The following ASIC2 variants were observed in gnomAD, a reference collection of about 807,000 sequenced individuals.
ASIC2 encodes acid-sensing ion channel 2.
In ASIC2, 25 loss-of-function variants were observed where a neutral mutation model predicts 57.3. The observed-to-expected ratio is 0.44, with a 90% CI of 0.32 to 0.61. The LOEUF (loss-of-function observed/expected upper bound fraction) is 0.61, where lower values mean the gene tolerates loss of function less well. Ranked by LOEUF, ASIC2 falls within the 20% of genes least tolerant of loss-of-function variation. The pLI is 0.06. For missense variants in ASIC2, 641 were observed against 738.1 expected, an observed-to-expected ratio of 0.87 and a Z score of 1.52; for synonymous variants, 319 against 307.5, an observed-to-expected ratio of 1.04 and a Z score of -0.39.
chr17:33,700,708 G>A (rs1908671236), intron 1 of ASIC2, among the ~76,000 whole-genome samples: 1 of 152,198 alleles, frequency 6.6e-6, no homozygotes, highest in Admixed American at 6.5e-5. Flanking sequence ...TTTTCATGGA[G>A]GAAGGGAAAA....
At chr17:33,241,412 T>A (rs1455360648) in intron 1 of ASIC2, among the ~76,000 whole-genome samples, 1 of 152,176 alleles carries the variant, frequency 6.6e-6, no homozygotes, top group East Asian at 1.9e-4. Flanking sequence ...CCCCCTTCCT[T>A]CTCTGCTCTC....
At chr17:33,082,115 T>C (rs1030381658) in intron 3 of ASIC2, among the ~76,000 whole-genome samples, 11 of 152,036 alleles carry the variant, frequency 7.2e-5, no homozygotes, top group African/African-American at 2.2e-4. Context: ...TTGGTGACAG[T>C]GGGAAGTCTC....
chr17:33,013,751 C>T lies in ASIC2; in HGVS notation c.*214G>A. The T allele has an allele frequency of 1.7e-6, 1 of 587,016 alleles. No homozygotes were observed. The highest frequency in any genetic ancestry group is 2.8e-5 in the East Asian group (1 of 35,626). 36.4% of individuals were successfully genotyped at this position (587,016 alleles called of 1,614,324 possible). A position where few individuals can be genotyped will look rare whatever the true frequency, so the allele number is the denominator to read the frequency against. ...TCTTGGACAGTTCCAGAGTGTGACT[C>T]ATCTCTCCTAAGAGGGACGCACGGC... On this transcript the variant is annotated 3_prime_UTR_variant, in exon 10 of 10. Coordinates refer to ENST00000225823, the MANE Select transcript of ASIC2 (RefSeq NM_183377.2).
chr17:33,472,192 T>G (rs7218557), intron 1 of ASIC2, among the ~76,000 whole-genome samples: 42,664 of 151,762 alleles, frequency 0.28, 6,060 homozygotes, highest in South Asian at 0.33. Flanking sequence ...GCTAATTTCT[T>G]TATTTTTAGT....
At chr17:33,137,925 C>T (rs180697832) in intron 1 of ASIC2, among the ~76,000 whole-genome samples, 3 of 152,294 alleles carry the variant, frequency 2.0e-5, no homozygotes, top group African/African-American at 4.8e-5. Context: ...TGGATTGCTA[C>T]AGTGGGAGTG....
At chr17:33,350,500 C>T (rs1386968968) in intron 1 of ASIC2, among the ~76,000 whole-genome samples, 1 of 151,800 alleles carries the variant, frequency 6.6e-6, no homozygotes, top group Non-Finnish European at 1.5e-5. Context: ...GCCAACAGGA[C>T]GAAACCCCGT....
chr17:33,415,846 T>G (rs1017153886), intron 1 of ASIC2, among the ~76,000 whole-genome samples: 1 of 152,218 alleles, frequency 6.6e-6, no homozygotes, highest in Admixed American at 6.5e-5. Flanking sequence ...GAGAATTGAT[T>G]GAAAAACCCA....
intron 1 of ASIC2, among the ~76,000 whole-genome samples, chr17:33,380,917 C>G (rs975688724): frequency 6.6e-6 from 1 of 152,206 alleles, no homozygotes; most frequent in African/African-American, 2.4e-5. Flanking sequence ...AGGCTACACT[C>G]CTTACTGTGC....
intron 1 of ASIC2, among the ~76,000 whole-genome samples, chr17:33,717,105 G>C (rs1245778525): frequency 6.6e-6 from 1 of 152,164 alleles, no homozygotes; most frequent in Non-Finnish European, 1.5e-5. Context: ...CACTACTAAT[G>C]ATGATTTAAA....
chr17:33,274,590 C>T (rs1336412638), intron 1 of ASIC2, among the ~76,000 whole-genome samples: 1 of 152,172 alleles, frequency 6.6e-6, no homozygotes, highest in Non-Finnish European at 1.5e-5. Flanking sequence ...AATGTCCATC[C>T]TAAGAAAGAC....
At chr17:33,206,703 G>T (rs552377557) in intron 1 of ASIC2, among the ~76,000 whole-genome samples, 1 of 152,198 alleles carries the variant, frequency 6.6e-6, no homozygotes, top group South Asian at 2.1e-4. Context: ...GCTCTGAGGG[G>T]ATACAAATAA....
chr17:33,527,258 T>C (rs1914912642), intron 1 of ASIC2, among the ~76,000 whole-genome samples: 1 of 152,156 alleles, frequency 6.6e-6, no homozygotes, highest in South Asian at 2.1e-4. Flanking sequence ...TACCTGAGTC[T>C]TCAAGGAAAG....
intron 2 of ASIC2, among the ~76,000 whole-genome samples, chr17:33,107,436 C>T (rs1013575697): frequency 6.6e-6 from 1 of 152,138 alleles, no homozygotes; most frequent in Non-Finnish European, 1.5e-5. Flanking sequence ...TTTTTGGGCC[C>T]TGCATCCTTT....
chr17:33,261,107 A>G (rs1341619148), intron 1 of ASIC2, among the ~76,000 whole-genome samples: 2 of 152,228 alleles, frequency 1.3e-5, no homozygotes, highest in African/African-American at 4.8e-5. Flanking sequence ...CAAGTAGCAA[A>G]TCCATTTGCC....
In ASIC2 at chr17:33,962,353, G is replaced by A. The variant is rs1904950662; in HGVS notation, c.555+193625C>T. The stretch of plus-strand genomic sequence containing the variant: ...GTGACATCGGAATAGAGTCTTGAAA[G>A]AGTATAGTGCCTGGTACATAGTAGA... On this transcript the variant is annotated intron_variant, in intron 1 of 9. Coordinates refer to the ASIC2 transcript ENST00000359872. 2.6e-5 allele frequency among the ~76,000 whole-genome samples: 4 copies of A among 152,266 alleles called. No individual in the cohort carries two copies. In the South Asian group the frequency reaches 8.3e-4, roughly 32 times the overall value.
intron 1 of ASIC2, among the ~76,000 whole-genome samples, chr17:33,841,441 G>A (rs1343328635): frequency 3.9e-5 from 6 of 152,246 alleles, no homozygotes; most frequent in African/African-American, 1.4e-4. Context: ...GCCACCTGAG[G>A]CAAGGCAGTT....
At chr17:33,381,032 A>C (rs542352038) in intron 1 of ASIC2, among the ~76,000 whole-genome samples, 1 of 152,322 alleles carries the variant, frequency 6.6e-6, no homozygotes, top group East Asian at 1.9e-4. Flanking sequence ...CTCGGCTCAC[A>C]GTTCGAGATG....
chr17:33,836,244 T>C (rs557189763), intron 1 of ASIC2, among the ~76,000 whole-genome samples: 2 of 151,394 alleles, frequency 1.3e-5, no homozygotes, highest in African/African-American at 4.8e-5. Context: ...CCCAGGTAGC[T>C]GGGATTACAG....
At chr17:33,900,677 C>T (rs1392461432) in intron 1 of ASIC2, among the ~76,000 whole-genome samples, 1 of 152,164 alleles carries the variant, frequency 6.6e-6, no homozygotes, top group Non-Finnish European at 1.5e-5. Flanking sequence ...AATAAAGACT[C>T]ACTAATAGAC....
Sources: gnomAD v4.1 joint callset for allele counts (sites outside exome capture counted in the v4.1 genomes callset) on GRCh38, gnomAD v4.1.1 for gene constraint, MANE v1.5 for transcripts, NCBI Gene and HGNC (gene_info 2026-07-23, HGNC 2026-07-21) for gene names.